The following RASSF3 variants were observed in gnomAD, a reference collection of about 807,000 sequenced individuals.
The protein encoded by RASSF3 is Ras association domain family member 3, also known as ras association domain-containing protein 3.
Under a neutral mutation model 19.9 loss-of-function variants are expected in RASSF3, and 19 were observed. That is an observed-to-expected ratio of 0.96 (90% confidence interval 0.67 to 1.40). The LOEUF is 1.40. Among genes scored for constraint, RASSF3 ranks in the 40% most tolerant of loss-of-function variants. The probability of loss-of-function intolerance (pLI) is 0.00; values close to 1 mark genes in which losing one functional copy is unlikely to be tolerated. For synonymous variants in RASSF3, 110 were observed against 104.2 expected, an observed-to-expected ratio of 1.06 and a Z score of -0.34; for missense variants, 306 against 289.8, an observed-to-expected ratio of 1.06 and a Z score of -0.41.
At chr12:64,584,879 C>CTTTTTTTTTTT (rs34522445) in intron 2 of RASSF3, among the ~76,000 whole-genome samples, 3 of 80,800 alleles carry the variant, frequency 3.7e-5, no homozygotes, top group African/African-American at 4.9e-5. Flanking sequence ...CAGAAGGATT[C>CTTTTTTTTTTT]TTTTTTTTTT....
chr12:64,683,931 G>A (rs1873228933), intron 1 of RASSF3, among the ~76,000 whole-genome samples: 1 of 151,422 alleles, frequency 6.6e-6, no homozygotes, highest in Admixed American at 6.6e-5. Context: ...ACCGTAATTG[G>A]TGGATGAGCC....
At chr12:64,516,796 G>T (rs1372187273) in intron 1 of RASSF3, among the ~76,000 whole-genome samples, 1 of 151,792 alleles carries the variant, frequency 6.6e-6, no homozygotes, top group Non-Finnish European at 1.5e-5. Context: ...GGTCAGGAGT[G>T]AGAGACCAGC....
intron 2 of RASSF3, among the ~76,000 whole-genome samples, chr12:64,548,562 C>T (rs780148037): frequency 1.7e-4 from 26 of 152,148 alleles, no homozygotes; most frequent in Non-Finnish European, 3.4e-4. Context: ...GTATGAAAAT[C>T]TTTTCCTACA....
intron 1 of RASSF3, among the ~76,000 whole-genome samples, chr12:64,513,613 G>A (rs866710257): frequency 2.6e-5 from 4 of 152,228 alleles, no homozygotes; most frequent in Middle Eastern, 3.4e-3. Context: ...AGACAGAGAG[G>A]CCTTGGGCAG....
At chr12:64,693,011 G>C (rs887260115) in intron 4 of RASSF3, among the ~76,000 whole-genome samples, 1 of 152,162 alleles carries the variant, frequency 6.6e-6, no homozygotes, top group Admixed American at 6.5e-5. Flanking sequence ...ATAGCTGTTA[G>C]GGGGTGGGAG....
At chr12:64,534,348 A>G (rs1008904390) in intron 1 of RASSF3, among the ~76,000 whole-genome samples, 3 of 151,878 alleles carry the variant, frequency 2.0e-5, no homozygotes, top group Non-Finnish European at 4.4e-5. Flanking sequence ...ACAAAAAACT[A>G]GCCAGTCATG....
intron 2 of RASSF3, among the ~76,000 whole-genome samples, chr12:64,686,820 C>T (rs1219860202): frequency 1.3e-5 from 2 of 152,080 alleles, no homozygotes; most frequent in African/African-American, 4.8e-5. Flanking sequence ...GAGTGAGACC[C>T]TGTCTCAAAA....
chr12:64,562,025 T>A (rs868697780), intron 2 of RASSF3, among the ~76,000 whole-genome samples: 4 of 48,278 alleles, frequency 8.3e-5, no homozygotes, highest in African/African-American at 1.7e-4. Flanking sequence ...TTATTTATTT[T>A]TGTTTGTTTT....
At chr12:64,599,654 G>A (rs1219188486) in intron 2 of RASSF3, among the ~76,000 whole-genome samples, 1 of 152,090 alleles carries the variant, frequency 6.6e-6, no homozygotes, top group East Asian at 1.9e-4. Context: ...CTGCCTTGCC[G>A]CTTGCCGTTG....
chr12:64,535,813 G>A (rs189151311), intron 1 of RASSF3, among the ~76,000 whole-genome samples: 2 of 150,362 alleles, frequency 1.3e-5, no homozygotes, highest in Non-Finnish European at 1.5e-5. Flanking sequence ...CCAGCCTCCC[G>A]AGTAGCTGGG....
intron 1 of RASSF3, among the ~76,000 whole-genome samples, chr12:64,509,024 G>A (rs1277363463): frequency 6.6e-6 from 1 of 151,786 alleles, no homozygotes; most frequent in Non-Finnish European, 1.5e-5. Flanking sequence ...TCAAAATAGG[G>A]AGAATTTAAC....
chr12:64,636,871 A>AC lies in RASSF3; in HGVS notation c.111+26128_111+26129insC, dbSNP rs1453923672. Among the ~76,000 whole-genome samples, 4 of 151,874 alleles carry AC rather than the reference A, an allele frequency of 2.6e-5. No homozygotes were observed. In the East Asian group the frequency reaches 7.7e-4, roughly 29 times the overall value. ...CAAGAGCAAAACTCCGTCTCAAAAA[A>AC]AAAAAAAAAAAAAGTAAGTTACACA... On this transcript the variant is annotated intron_variant, in intron 1 of 4. Transcript: ENST00000542104.
upstream of RASSF3, among the ~76,000 whole-genome samples, chr12:64,606,689 C>A (rs770851306): frequency 1.3e-5 from 2 of 152,042 alleles, no homozygotes; most frequent in Non-Finnish European, 2.9e-5. Context: ...GCGGTGCGTG[C>A]CTGTAATCCT....
chr12:64,691,625 C>A, intron 4 of RASSF3, 46 bp downstream of exon 4: 1 of 1,092,746 alleles, frequency 9.2e-7, no homozygotes, highest in Non-Finnish European at 1.3e-6. Context: ...GAACAGCTGG[C>A]CCTATTTTAT....
At chr12:64,551,437 A>G (rs1869158449) in intron 2 of RASSF3, among the ~76,000 whole-genome samples, 2 of 152,146 alleles carry the variant, frequency 1.3e-5, no homozygotes, top group South Asian at 2.1e-4. Context: ...TTAGCCGGGC[A>G]TGGTGGTGCG....
At chr12:64,552,467 C>T (rs1311343932) in intron 2 of RASSF3, among the ~76,000 whole-genome samples, 3 of 152,084 alleles carry the variant, frequency 2.0e-5, no homozygotes, top group African/African-American at 7.2e-5. Context: ...CCTATCAACC[C>T]ATCACCTAGG....
chr12:64,675,502 G>A (rs1389707445), intron 1 of RASSF3, among the ~76,000 whole-genome samples: 4 of 152,074 alleles, frequency 2.6e-5, no homozygotes, highest in African/African-American at 9.7e-5. Context: ...AAGGAACACT[G>A]GGAATCTCTA....
chr12:64,587,041 C>A (rs1476794822), intron 2 of RASSF3, among the ~76,000 whole-genome samples: 1 of 149,008 alleles, frequency 6.7e-6, no homozygotes, highest in Non-Finnish European at 1.5e-5. Flanking sequence ...TCCTCGTATT[C>A]CTCGCCTCAC....
At chr12:64,632,349 G>T (rs1393962640) in intron 1 of RASSF3, among the ~76,000 whole-genome samples, 1 of 152,158 alleles carries the variant, frequency 6.6e-6, no homozygotes, top group African/African-American at 2.4e-5. Flanking sequence ...TGAATATTTT[G>T]TGAGTAAGGA....
Sources: allele counts gnomAD v4.1 joint callset (sites outside exome capture counted in the v4.1 genomes callset), GRCh38; gene constraint gnomAD v4.1.1; transcripts MANE v1.5; gene names NCBI Gene and HGNC (gene_info 2026-07-23, HGNC 2026-07-21).